The following WDR72 variants were observed in gnomAD, a reference collection of about 807,000 sequenced individuals.
WDR72 encodes the protein WD repeat-containing protein 72.
Under a neutral mutation model 124.2 loss-of-function variants are expected in WDR72, and 120 were observed. That is an observed-to-expected ratio of 0.97 (90% confidence interval 0.83 to 1.12). WDR72 has a LOEUF of 1.12. WDR72 is among the 50% of genes most tolerant of loss of function. The pLI is 0.00. For synonymous variants in WDR72, 452 were observed against 441.7 expected (o/e 1.02, Z -0.29); for missense variants, 1,387 against 1,278.8 (o/e 1.08, Z -1.29).
At chr15:53,657,841 G>A (rs765203969) in intron 14 of WDR72, among the ~76,000 whole-genome samples, 8 of 152,020 alleles carry the variant, frequency 5.3e-5, no homozygotes, top group Non-Finnish European at 1.0e-4. Context: ...CAATAACGCC[G>A]ACCTTGAATG....
chr15:53,740,436 T>C (rs1478689573), intron 1 of WDR72, among the ~76,000 whole-genome samples: 1 of 151,960 alleles, frequency 6.6e-6, no homozygotes, highest in East Asian at 1.9e-4. Context: ...GTCTCCCGAA[T>C]AGCTGGGACT....
At chr15:53,632,917 T>C (rs937050634) in intron 14 of WDR72, among the ~76,000 whole-genome samples, 4 of 152,214 alleles carry the variant, frequency 2.6e-5, no homozygotes, top group Non-Finnish European at 4.4e-5. Flanking sequence ...GTTTTTGATA[T>C]TACAGGCTCA....
At chr15:53,683,667 G>A (rs746212052) in intron 13 of WDR72, among the ~76,000 whole-genome samples, 30 of 151,968 alleles carry the variant, frequency 2.0e-4, no homozygotes, top group Non-Finnish European at 3.4e-4. Flanking sequence ...ACAGAATATA[G>A]TGAATATTAA....
intron 18 of WDR72, among the ~76,000 whole-genome samples, chr15:53,576,691 C>T (rs1205669382): frequency 6.6e-6 from 1 of 151,998 alleles, no homozygotes; most frequent in East Asian, 1.9e-4. Flanking sequence ...CCTATGGGAA[C>T]CTAGGGAAAA....
At chr15:53,576,709 A>C (rs2011633397) in intron 18 of WDR72, among the ~76,000 whole-genome samples, 1 of 152,118 alleles carries the variant, frequency 6.6e-6, no homozygotes, top group South Asian at 2.1e-4. Flanking sequence ...AAATTGAACA[A>C]GACAGGCTTG....
intron 18 of WDR72, among the ~76,000 whole-genome samples, chr15:53,551,377 C>T (rs758210603): frequency 1.6e-4 from 25 of 152,076 alleles, no homozygotes; most frequent in Admixed American, 2.6e-4. Flanking sequence ...ATGTAAAGAT[C>T]GTACTGACTG....
rs534068653 is a variant in WDR72, at chr15:53,588,527, G to A, written c.3148+8552C>T. On this transcript the variant is annotated intron_variant, in intron 18 of 19. Transcript: ENST00000360509. Reference sequence around the variant, plus strand: ...AGGCTGAAAATTGGGCAGATAAATTGAAGAGTTAAAATGGAAGGATAAGGC... The same window carrying A: ...AGGCTGAAAATTGGGCAGATAAATTAAAGAGTTAAAATGGAAGGATAAGGC... Among the ~76,000 whole-genome samples, 6 of 152,070 alleles carry A rather than the reference G, an allele frequency of 3.9e-5. No homozygotes were observed. The South Asian group carries it at 1.2e-3, about 32-fold the overall frequency.
intron 18 of WDR72, among the ~76,000 whole-genome samples, chr15:53,543,492 G>A (rs1333346344): frequency 6.6e-6 from 1 of 151,432 alleles, no homozygotes; most frequent in Non-Finnish European, 1.5e-5. Context: ...CGCATTCAAA[G>A]CAGTGTGTAG....
At chr15:53,709,760 G>A (rs1004082223) in intron 9 of WDR72, among the ~76,000 whole-genome samples, 3 of 152,140 alleles carry the variant, frequency 2.0e-5, no homozygotes, top group Non-Finnish European at 4.4e-5. Context: ...TGGCACTTGG[G>A]GTTCTAATTT....
chr15:53,542,872 C>A, intron 18 of WDR72, among the ~76,000 whole-genome samples: 1 of 130,094 alleles, frequency 7.7e-6, no homozygotes, highest in Non-Finnish European at 1.6e-5. Flanking sequence ...GACTTTAAAC[C>A]AACAAAGATC....
chr15:53,545,726 A>G (rs1427956586), intron 18 of WDR72, among the ~76,000 whole-genome samples: 3 of 133,178 alleles, frequency 2.3e-5, no homozygotes, highest in Non-Finnish European at 4.8e-5. Flanking sequence ...GTGAGCAGGC[A>G]ACCTACAAAA....
chr15:53,597,706 A>C (rs2012844106), intron 17 of WDR72, among the ~76,000 whole-genome samples: 1 of 152,186 alleles, frequency 6.6e-6, no homozygotes, highest in Non-Finnish European at 1.5e-5. Context: ...CATTTAAACT[A>C]TGCTTTACAC....
At chr15:53,746,526 T>C (rs1327070037) in intron 1 of WDR72, among the ~76,000 whole-genome samples, 2 of 152,230 alleles carry the variant, frequency 1.3e-5, no homozygotes, top group Admixed American at 6.5e-5. Context: ...GTGAATAATA[T>C]GAGCTTTGAG....
chr15:53,537,850 T>G (rs1183970334), intron 18 of WDR72, among the ~76,000 whole-genome samples: 2 of 152,208 alleles, frequency 1.3e-5, no homozygotes, highest in African/African-American at 4.8e-5. Context: ...AATAGCTATA[T>G]TATCTTGATC....
At chr15:53,744,217 G>C (rs576349757) in intron 1 of WDR72, among the ~76,000 whole-genome samples, 2 of 152,110 alleles carry the variant, frequency 1.3e-5, no homozygotes, top group Admixed American at 6.5e-5. Flanking sequence ...GGGGTGAGAG[G>C]AACTGAAACT....
intron 12 of WDR72, among the ~76,000 whole-genome samples, chr15:53,701,424 C>T (rs1357429679): frequency 6.6e-6 from 1 of 151,852 alleles, no homozygotes; most frequent in Non-Finnish European, 1.5e-5. Context: ...GCCTGTAGTC[C>T]CAGCTACTTG....
At chr15:53,677,711 T>G (rs2016224308) in intron 13 of WDR72, among the ~76,000 whole-genome samples, 1 of 152,186 alleles carries the variant, frequency 6.6e-6, no homozygotes, top group African/African-American at 2.4e-5. Context: ...CGTGGAACTG[T>G]GAGTCAAGTA....
intron 18 of WDR72, among the ~76,000 whole-genome samples, chr15:53,532,187 G>T (rs745528125): frequency 6.6e-6 from 1 of 152,196 alleles, no homozygotes; most frequent in African/African-American, 2.4e-5. Context: ...CTCATACACC[G>T]CTGGTGGGAA....
intron 18 of WDR72, among the ~76,000 whole-genome samples, chr15:53,562,367 GAAA>G (rs1341899898): frequency 6.6e-6 from 1 of 151,744 alleles, no homozygotes; most frequent in Non-Finnish European, 1.5e-5. Flanking sequence ...ACTCTAGAAT[GAAA>G]AGTGGACCTC....
Sources: gnomAD v4.1 joint callset for allele counts (sites outside exome capture counted in the v4.1 genomes callset) on GRCh38, gnomAD v4.1.1 for gene constraint, MANE v1.5 for transcripts, NCBI Gene and HGNC (gene_info 2026-07-23, HGNC 2026-07-21) for gene names.